Variants in KCTD15 observed in about 807,000 individuals in gnomAD.
KCTD15 encodes the protein BTB/POZ domain-containing protein KCTD15.
A neutral mutation model predicts 27.2 loss-of-function variants in KCTD15; 11 were observed. The ratio of observed to expected loss-of-function variants is 0.41; its 90% CI spans 0.25 to 0.67. The LOEUF (loss-of-function observed/expected upper bound fraction) is 0.67, where lower values mean the gene tolerates loss of function less well. KCTD15 is among the 30% of genes least tolerant of loss of function. The pLI is 0.35. For synonymous variants in KCTD15, 163 were observed against 176.0 expected, an observed-to-expected ratio of 0.93 and a Z score of 0.58; for missense variants, 350 against 409.3, an observed-to-expected ratio of 0.86 and a Z score of 1.25.
rs919214182 is a variant in KCTD15, at chr19:33,801,041, C to T, written c.67-126C>T. The T allele has an allele frequency of 6.0e-5, 51 of 847,880 alleles. No homozygotes were observed. In the Middle Eastern group the frequency reaches 1.1e-3, roughly 19 times the overall value. 52.5% of individuals were successfully genotyped at this position (847,880 alleles called of 1,614,324 possible). A position where few individuals can be genotyped will look rare whatever the true frequency, so the allele number is the denominator to read the frequency against. ...TGTCAGCTGAATATATGATCAGGCA[C>T]GGGCAGAAGTGATCTGATTAGATCT... On this transcript the variant is annotated intron_variant, in intron 3 of 6. Transcript: ENST00000683859.
chr19:33,795,767 G>A (rs976316806), upstream of KCTD15, among the ~76,000 whole-genome samples: 3 of 152,064 alleles, frequency 2.0e-5, no homozygotes, highest in African/African-American at 7.2e-5. Flanking sequence ...GGCGTCCGGG[G>A]CGCGGACCTC....
chr19:33,808,605 T>C (rs1214908971), intron 5 of KCTD15, among the ~76,000 whole-genome samples: 1 of 151,766 alleles, frequency 6.6e-6, no homozygotes, highest in African/African-American at 2.4e-5. Flanking sequence ...GGTGGCCCAG[T>C]GCCTGGCATT....
chr19:33,806,138 G>A, intron 4 of KCTD15, among the ~76,000 whole-genome samples: 1 of 152,220 alleles, frequency 6.6e-6, no homozygotes, highest in Non-Finnish European at 1.5e-5. Context: ...ATGTGTGCAA[G>A]GGCCCTGTTG....
chr19:33,812,963 C>T lies in KCTD15; in HGVS notation c.*15C>T. On this transcript the variant is annotated 3_prime_UTR_variant, in exon 7 of 7. Transcript: ENST00000683859. ...CCCTGGACTAGGCCCTGCTTCAGTG[C>T]CCACCTGGGCCCCCCCAGGGACCTG... 1.3e-6 allele frequency: 2 copies of T among 1,530,014 alleles called. No individual in the cohort carries two copies. The highest frequency in any genetic ancestry group is 1.8e-6 in the Non-Finnish European group (2 of 1,139,508). The allele number at this position is 1,530,014 out of a possible 1,614,324, so 94.8% of individuals were successfully genotyped here.
At chr19:33,795,522 C>A (rs971902617), upstream of KCTD15, among the ~76,000 whole-genome samples, 5 of 151,690 alleles carry the variant, frequency 3.3e-5, no homozygotes, top group Admixed American at 3.3e-4. Context: ...CGTTCCGGCC[C>A]GTGCGCACCC....
At chr19:33,807,741 G>A (rs1429629252) in intron 5 of KCTD15, among the ~76,000 whole-genome samples, 4 of 151,856 alleles carry the variant, frequency 2.6e-5, no homozygotes, top group South Asian at 4.2e-4. Context: ...AGAAAAGGAC[G>A]GCTGTAATTA....
upstream of KCTD15, among the ~76,000 whole-genome samples, chr19:33,794,084 T>TA (rs914483696): frequency 1.9e-4 from 29 of 151,974 alleles, no homozygotes; most frequent in African/African-American, 5.8e-4. Context: ...GTGAAACTCT[T>TA]AAAAAAACAC....
At chr19:33,800,385 A>C (rs1568376259) in intron 2 of KCTD15, 43 bp from the exon 3 acceptor site, 8 of 1,451,114 alleles carry the variant, frequency 5.5e-6, no homozygotes, top group African/African-American at 1.4e-5. Context: ...GTACATGACT[A>C]GGAGGAATAA....
At chr19:33,802,397 A>G (rs1975586862) in intron 4 of KCTD15, among the ~76,000 whole-genome samples, 1 of 152,210 alleles carries the variant, frequency 6.6e-6, no homozygotes, top group East Asian at 1.9e-4. Flanking sequence ...GTGGTTCCTC[A>G]GAGCAGGGAG....
At chr19:33,797,610 C>T (rs534798056) in intron 1 of KCTD15, among the ~76,000 whole-genome samples, 1 of 152,182 alleles carries the variant, frequency 6.6e-6, no homozygotes, top group Non-Finnish European at 1.5e-5. Context: ...TCCCCGCTGC[C>T]CGCCCGCACC....
intron 1 of KCTD15, among the ~76,000 whole-genome samples, chr19:33,797,675 AC>A (rs1975385237): frequency 1.4e-5 from 2 of 147,656 alleles, no homozygotes; most frequent in East Asian, 2.0e-4. Context: ...CCGGGGGCGG[AC>A]CCCCGCCTCT....
At chr19:33,811,189 C>T in intron 5 of KCTD15, 58 bp from the exon 6 acceptor site, 3 of 1,127,300 alleles carry the variant, frequency 2.7e-6, no homozygotes, top group Non-Finnish European at 2.4e-6. Context: ...CCCTCTCCCC[C>T]TTCCCCCACC....
intron 4 of KCTD15, chr19:33,801,663 G>A (rs894239997): frequency 4.8e-5 from 12 of 250,252 alleles, no homozygotes; most frequent in Non-Finnish European, 7.6e-5. Context: ...GGAGTCTCAC[G>A]TACCTTCAAG....
In KCTD15 at chr19:33,796,965, G is replaced by C. The variant is rs1274642655; in HGVS notation, c.-149G>C. 1 of 119,236 alleles carries C rather than the reference G, an allele frequency of 8.4e-6. No individual in the cohort carries two copies. Among genetic ancestry groups the C allele is most frequent in the Non-Finnish European group, 1.9e-5 (1 of 51,472 alleles). 7.4% of individuals were successfully genotyped at this position (119,236 alleles called of 1,614,324 possible). A position where few individuals can be genotyped will look rare whatever the true frequency, so the allele number is the denominator to read the frequency against. Reference sequence around the variant, plus strand: ...GCTGCGTGGGGCGGGGGCTGCGCCCGAGCCCGATCTGCCGGCTCCGAGGTA... The same window carrying C: ...GCTGCGTGGGGCGGGGGCTGCGCCCCAGCCCGATCTGCCGGCTCCGAGGTA... On this transcript the variant is annotated 5_prime_UTR_variant, in exon 1 of 7. Transcript: ENST00000683859.
At position 33,813,153 on chromosome 19, in the gene KCTD15, G is replaced by T; in HGVS notation, c.*205G>T. 1.6e-6 allele frequency: 1 copy of T among 631,250 alleles called. No homozygotes were observed. Among genetic ancestry groups the T allele is most frequent in the South Asian group, 1.9e-5 (1 of 53,520 alleles). 39.1% of individuals were successfully genotyped at this position (631,250 alleles called of 1,614,324 possible). ...ATGCCTGCAGAAGGACTGTTGATGCGACCCAAAGATACAGCGGTGGGATCT... is the reference window on the plus strand; with the variant it reads ...ATGCCTGCAGAAGGACTGTTGATGCTACCCAAAGATACAGCGGTGGGATCT... On this transcript the variant is annotated 3_prime_UTR_variant, in exon 7 of 7. Transcript: ENST00000683859.
chr19:33,810,783 C>A (rs572829348), intron 5 of KCTD15, among the ~76,000 whole-genome samples: 29 of 151,674 alleles, frequency 1.9e-4, no homozygotes, highest in African/African-American at 6.8e-4. Flanking sequence ...GAAAATCTGA[C>A]CCAGGCAGGC....
At chr19:33,797,202 G>A (rs1975346286) in intron 1 of KCTD15, among the ~76,000 whole-genome samples, 1 of 151,864 alleles carries the variant, frequency 6.6e-6, no homozygotes, top group Admixed American at 6.5e-5. Flanking sequence ...CCTGGCCGCG[G>A]GTGGACCCTC....
chr19:33,796,434 G>A (rs1346973752), upstream of KCTD15: 1 of 150,416 alleles, frequency 6.6e-6, no homozygotes, highest in Non-Finnish European at 1.5e-5. Flanking sequence ...GCCAGGCGCG[G>A]GCGCGCGGAG....
At chr19:33,796,156 C>T (rs980551872), upstream of KCTD15, 28 of 151,620 alleles carry the variant, frequency 1.8e-4, no homozygotes, top group African/African-American at 6.8e-4. Flanking sequence ...TTATGCCCAG[C>T]TGAAAGCGCC....
Sources: allele counts gnomAD v4.1 joint callset (sites outside exome capture counted in the v4.1 genomes callset), GRCh38; gene constraint gnomAD v4.1.1; transcripts MANE v1.5; gene names NCBI Gene and HGNC (gene_info 2026-07-23, HGNC 2026-07-21).